The following SNRPE variants were observed in gnomAD, a reference collection of about 807,000 sequenced individuals.
The protein encoded by SNRPE is small nuclear ribonucleoprotein E.
For synonymous variants in SNRPE, 35 were observed against 36.7 expected (o/e 0.95, Z 0.17); for missense variants, 53 against 111.6 (o/e 0.48, Z 2.36).
At chr1:203,868,907 A>C (rs1016614318) in intron 4 of SNRPE, among the ~76,000 whole-genome samples, 1 of 152,136 alleles carries the variant, frequency 6.6e-6, no homozygotes, top group Non-Finnish European at 1.5e-5. Context: ...AAGCTCAGGC[A>C]TTCCACCCAC....
Position 203,863,645 on chromosome 1 carries a change from CT to C in SNRPE, c.82-14del. The C allele has an allele frequency of 6.2e-7, 1 of 1,603,816 alleles. No individual in the cohort carries two copies. Among genetic ancestry groups the C allele is most frequent in the African/African-American group, 1.3e-5 (1 of 74,778 alleles). ...TATTTTTCTTTTTTTAACGTTTCCA[CT>C]TTTATGATTATTTCAGAGATCGCGG... On this transcript the variant is annotated splice_polypyrimidine_tract_variant and intron_variant, in intron 2 of 4. Coordinates refer to ENST00000414487, the MANE Select transcript of SNRPE (RefSeq NM_003094.4).
chr1:203,869,829 A>G (rs1232314874), intron 4 of SNRPE, 48 bp from the exon 5 acceptor site: 2 of 1,346,224 alleles, frequency 1.5e-6, no homozygotes, highest in African/African-American at 1.5e-5. Flanking sequence ...AGAGTAAAAC[A>G]TCTGAGTGTG....
Position 203,861,599 on chromosome 1 carries a change from C to A in SNRPE, c.-61C>A. The stretch of plus-strand genomic sequence containing the variant: ...GACCTTCACACTTCCGCTTCCGGTT[C>A]TTTATTCCGGAAGTTGCTCTCAGAG... On this transcript the variant is annotated 5_prime_UTR_variant, in exon 1 of 5. Transcript: ENST00000414487. The A allele has an allele frequency of 6.0e-6, 8 of 1,342,340 alleles. No homozygotes were observed. The highest frequency in any genetic ancestry group is 1.2e-5 in the South Asian group (1 of 85,122). The allele number at this position is 1,342,340 out of a possible 1,614,324, so 83.2% of individuals were successfully genotyped here. A position where few individuals can be genotyped will look rare whatever the true frequency, so the allele number is the denominator to read the frequency against.
In SNRPE at chr1:203,870,034, G is replaced by A. The variant is rs535875679; in HGVS notation, c.*102G>A. 3.4e-5 allele frequency: 23 copies of A among 673,866 alleles called. No homozygotes were observed. The highest frequency in any genetic ancestry group is 2.9e-4 in the African/African-American group (16 of 54,524). The allele number at this position is 673,866 out of a possible 1,614,324, so 41.7% of individuals were successfully genotyped here. A position where few individuals can be genotyped will look rare whatever the true frequency, so the allele number is the denominator to read the frequency against. On this transcript the variant is annotated 3_prime_UTR_variant, in exon 5 of 5. Transcript: ENST00000414487. ...TATTCATATTGTTTTGATTACCCTC[G>A]TGTTACTACAAGATGGCAATAAATA... is the stretch of plus-strand genomic sequence containing the variant.
At chr1:203,862,716 G>A (rs1690002273) in intron 2 of SNRPE, among the ~76,000 whole-genome samples, 1 of 152,164 alleles carries the variant, frequency 6.6e-6, no homozygotes, top group Admixed American at 6.5e-5. Context: ...TCCTTTGAGG[G>A]AAATTTTAGC....
At chr1:203,868,589 G>C (rs1690143226) in intron 4 of SNRPE, among the ~76,000 whole-genome samples, 1 of 152,198 alleles carries the variant, frequency 6.6e-6, no homozygotes, top group African/African-American at 2.4e-5. Context: ...TAGATTCTGA[G>C]AAGCAGTATG....
rs1029813143 is a variant in SNRPE, at chr1:203,862,064, A to G, written c.55-132A>G. 5.5e-6 allele frequency: 4 copies of G among 728,124 alleles called. No homozygotes were observed. In the African/African-American group the frequency reaches 7.0e-5, roughly 13 times the overall value. The allele number at this position is 728,124 out of a possible 1,614,324, so 45.1% of individuals were successfully genotyped here. A position where few individuals can be genotyped will look rare whatever the true frequency, so the allele number is the denominator to read the frequency against. ...ACCCGTAACGAATGCCCAGCTGGGC[A>G]CTTGTTGTTTGCGTAAGCACCAGAC... is the stretch of plus-strand genomic sequence containing the variant. On this transcript the variant is annotated intron_variant, in intron 1 of 4. Coordinates refer to ENST00000414487, the MANE Select transcript of SNRPE (RefSeq NM_003094.4).
chr1:203,868,106 AGTGTAATGACGT>A (rs1358499748), intron 4 of SNRPE, among the ~76,000 whole-genome samples: 1 of 151,882 alleles, frequency 6.6e-6, no homozygotes, highest in African/African-American at 2.4e-5. Context: ...CTCAGGCTGG[AGTGTAATGACGT>A]GATTTTGGCT....
chr1:203,869,584 C>T (rs1178385437), intron 4 of SNRPE, among the ~76,000 whole-genome samples: 2 of 152,066 alleles, frequency 1.3e-5, no homozygotes, highest in Non-Finnish European at 2.9e-5. Flanking sequence ...CATTTCCAAA[C>T]TTTTATTACA....
At chr1:203,869,414 C>T (rs1018174168) in intron 4 of SNRPE, among the ~76,000 whole-genome samples, 5 of 149,676 alleles carry the variant, frequency 3.3e-5, no homozygotes, top group African/African-American at 1.2e-4. Flanking sequence ...TCAAGCAATT[C>T]TCCTGCCTCA....
chr1:203,863,570 C>G, intron 2 of SNRPE, 93 bp from the exon 3 acceptor site: 1 of 815,672 alleles, frequency 1.2e-6, no homozygotes, highest in Middle Eastern at 3.5e-4. Flanking sequence ...CCACCTCCCT[C>G]GGCCTCCGAA....
intron 3 of SNRPE, 69 bp downstream of exon 3, chr1:203,863,794 G>T (rs1690029316): frequency 2.8e-6 from 3 of 1,067,778 alleles, no homozygotes; most frequent in African/African-American, 1.6e-5. Flanking sequence ...AAAGTGTCTA[G>T]CCAGAACAGT....
In SNRPE at chr1:203,869,592, A is replaced by C. The variant is rs145337064; in HGVS notation, c.224-285A>C. Among the ~76,000 whole-genome samples the C allele has an allele frequency of 4.2e-3, 636 of 152,244 alleles. 4 individuals carry two copies. Among genetic ancestry groups the C allele is most frequent in the African/African-American group, 0.015 (619 of 41,544 alleles). On this transcript the variant is annotated intron_variant, in intron 4 of 4. Transcript: ENST00000414487. ...TACGACTCATTTCCAAACTTTTATT[A>C]CAAATTCAGCATTGGGAAATGTTGT...
intron 4 of SNRPE, among the ~76,000 whole-genome samples, chr1:203,868,693 G>A (rs1399567400): frequency 1.3e-5 from 2 of 151,686 alleles, no homozygotes; most frequent in African/African-American, 2.4e-5. Context: ...TTTTGGAGAC[G>A]GAGTCTCACT....
At chr1:203,865,262 T>C in intron 4 of SNRPE, 143 bp downstream of exon 4, 1 of 728,994 alleles carries the variant, frequency 1.4e-6, no homozygotes, top group Non-Finnish European at 2.2e-6. Flanking sequence ...TTTGAAATCA[T>C]CCTCTACTAC....
At position 203,864,279 on chromosome 1, in the gene SNRPE, GA is replaced by G. The variant is rs199662156; in HGVS notation, c.144+563del. On this transcript the variant is annotated intron_variant, in intron 3 of 4. Transcript: ENST00000414487. ...GAAAATTAACTTTTAAAAATTATTC[GA>G]AAAAAAAATATTGAGCGACAATGTT... Among the ~76,000 whole-genome samples the G allele has an allele frequency of 2.6e-3, 388 of 150,164 alleles. 3 individuals are homozygous for G. Among genetic ancestry groups the G allele is most frequent in the African/African-American group, 9.0e-3 (371 of 40,996 alleles).
Position 203,865,911 on chromosome 1 carries a change from C to T in SNRPE, c.223+792C>T, listed in dbSNP as rs184181226. On this transcript the variant is annotated intron_variant, in intron 4 of 4. Coordinates refer to ENST00000414487, the MANE Select transcript of SNRPE (RefSeq NM_003094.4). ...AGGGCAAGGCATATAGGAAGGGATGCGAAGCTTTTGTGCCCTCTGCAAGCT... is the reference window on the plus strand; with the variant it reads ...AGGGCAAGGCATATAGGAAGGGATGTGAAGCTTTTGTGCCCTCTGCAAGCT... Among the ~76,000 whole-genome samples the T allele has an allele frequency of 2.3e-3, 347 of 152,286 alleles. 1 individual carries two copies. The highest frequency in any genetic ancestry group is 5.0e-3 in the African/African-American group (208 of 41,552).
intron 3 of SNRPE, among the ~76,000 whole-genome samples, 193 bp downstream of exon 3, chr1:203,863,918 T>A (rs1174805919): frequency 6.7e-6 from 1 of 149,746 alleles, no homozygotes; most frequent in Admixed American, 6.9e-5. Context: ...AAATAACTTT[T>A]AATTCATTTT....
chr1:203,866,471 ATTTG>A (rs1281180758), intron 4 of SNRPE, among the ~76,000 whole-genome samples: 3 of 152,144 alleles, frequency 2.0e-5, no homozygotes, highest in African/African-American at 7.2e-5. Flanking sequence ...TGACTCCCAA[ATTTG>A]TTTGTCTGGG....
Sources: allele counts gnomAD v4.1 joint callset (sites outside exome capture counted in the v4.1 genomes callset), GRCh38; gene constraint gnomAD v4.1.1; transcripts MANE v1.5; gene names NCBI Gene and HGNC (gene_info 2026-07-23, HGNC 2026-07-21).